NAPG: variants seen among roughly 807,000 people sequenced by gnomAD.
The protein encoded by NAPG is gamma-soluble NSF attachment protein.
In NAPG, 25 loss-of-function variants were observed where a neutral mutation model predicts 48.4. That is an observed-to-expected ratio of 0.52 (90% confidence interval 0.38 to 0.72). The LOEUF is 0.72. Ranked by LOEUF, NAPG falls within the 30% of genes least tolerant of loss-of-function variation. The pLI is 0.00. For missense variants in NAPG, 359 were observed against 372.5 expected, an observed-to-expected ratio of 0.96 and a Z score of 0.30; for synonymous variants, 139 against 127.2, an observed-to-expected ratio of 1.09 and a Z score of -0.62.
At position 10,542,774 on chromosome 18, in the gene NAPG, T is replaced by A. The variant is rs2032182505; in HGVS notation, c.506+2375T>A. On this transcript the variant is annotated intron_variant, in intron 8 of 11. Transcript: ENST00000322897. The surrounding 1 kb of genome is among the most constrained non-coding windows in gnomAD (Gnocchi z 4.5). ...GCAAAGAATCTATTTAATATATTAATCTCTTGCTTCTCCTTCAGTTTTGGA... is the reference window on the plus strand; with the variant it reads ...GCAAAGAATCTATTTAATATATTAAACTCTTGCTTCTCCTTCAGTTTTGGA... 6.6e-6 allele frequency among the ~76,000 whole-genome samples: 1 copy of A among 152,230 alleles called. No homozygotes were observed. Among genetic ancestry groups the A allele is most frequent in the Non-Finnish European group, 1.5e-5 (1 of 68,038 alleles).
intron 3 of NAPG, 151 bp from the exon 4 acceptor site, chr18:10,533,385 T>C (rs2031969885): frequency 3.5e-6 from 2 of 568,042 alleles, no homozygotes; most frequent in Non-Finnish European, 6.0e-6. Context: ...TTGACAGGTA[T>C]TGAATTACTT....
At chr18:10,526,340 C>G in intron 1 of NAPG, 182 bp downstream of exon 1, 1 of 603,026 alleles carries the variant, frequency 1.7e-6, no homozygotes, top group Non-Finnish European at 2.8e-6. Flanking sequence ...TCGGGGTCAG[C>G]TCTGCGGCGC....
chr18:10,531,066 C>T (rs893120164), intron 2 of NAPG, among the ~76,000 whole-genome samples: 4 of 152,070 alleles, frequency 2.6e-5, no homozygotes, highest in Non-Finnish European at 4.4e-5. Context: ...AGGGATGGGG[C>T]GGGGTTGGTG....
rs1051303395 is a variant in NAPG, at chr18:10,548,672, T to C, written c.665+294T>C. ...GAAAAAGGGGGAAAAAATTATCAGATTTATGTTACAGAAATCAAAATGAGG... is the reference window on the plus strand; with the variant it reads ...GAAAAAGGGGGAAAAAATTATCAGACTTATGTTACAGAAATCAAAATGAGG... On this transcript the variant is annotated intron_variant, in intron 10 of 11. Coordinates refer to ENST00000322897, the MANE Select transcript of NAPG (RefSeq NM_003826.3). This position sits in a 1 kb window ranked among gnomAD's most constrained non-coding sequence, Gnocchi z 4.4. Among the ~76,000 whole-genome samples, 5 of 152,062 alleles carry C rather than the reference T, an allele frequency of 3.3e-5. No homozygotes were observed. Among genetic ancestry groups the C allele is most frequent in the Non-Finnish European group, 7.4e-5 (5 of 68,010 alleles).
chr18:10,549,279 A>T (rs2032335066), intron 11 of NAPG, among the ~76,000 whole-genome samples, 183 bp downstream of exon 11: 1 of 152,318 alleles, frequency 6.6e-6, no homozygotes, highest in East Asian at 1.9e-4. Flanking sequence ...GATAAAATAG[A>T]TGTTAGTTGT....
At chr18:10,538,218 C>T (rs1430421678) in intron 5 of NAPG, among the ~76,000 whole-genome samples, 1 of 151,958 alleles carries the variant, frequency 6.6e-6, no homozygotes, top group Non-Finnish European at 1.5e-5. Flanking sequence ...CAGATGAACT[C>T]AGGGTGTAGA....
In NAPG at chr18:10,539,287, A is replaced by G. The variant is rs561762921; in HGVS notation, c.259-475A>G. ...TGCCCATCAGTGATAGACTGGATAA[A>G]GAAAATGTGGTACATATACACCATG... On this transcript the variant is annotated intron_variant, in intron 5 of 11. Transcript: ENST00000322897. The surrounding 1 kb of genome is among the most constrained non-coding windows in gnomAD (Gnocchi z 4.7). 1 of 156,710 alleles carries G rather than the reference A, an allele frequency of 6.4e-6. No individual in the cohort carries two copies. Among genetic ancestry groups the G allele is most frequent in the East Asian group, 1.9e-4 (1 of 5,338 alleles). The allele number at this position is 156,710 out of a possible 1,614,324, so 9.7% of individuals were successfully genotyped here. A position where few individuals can be genotyped will look rare whatever the true frequency, so the allele number is the denominator to read the frequency against.
At chr18:10,526,535 G>A (rs1021294045) in intron 1 of NAPG, 19 of 221,706 alleles carry the variant, frequency 8.6e-5, no homozygotes, top group Admixed American at 8.0e-4. Flanking sequence ...CTACCTGCTG[G>A]GTGCCGGTCG....
chr18:10,536,461 G>T (rs1413164095), intron 5 of NAPG, among the ~76,000 whole-genome samples: 2 of 152,122 alleles, frequency 1.3e-5, no homozygotes, highest in Non-Finnish European at 2.9e-5. Context: ...ATCAACCTTT[G>T]GTTCTGTCAC....
rs554519118 is a variant in NAPG, at chr18:10,534,347, T to C, written c.228-119T>C. 8.3e-5 allele frequency: 60 copies of C among 720,564 alleles called. No homozygotes were observed. Among genetic ancestry groups the C allele is most frequent in the Admixed American group, 4.2e-4 (19 of 45,092 alleles). 44.6% of individuals were successfully genotyped at this position (720,564 alleles called of 1,614,324 possible). ...GGTAATATAAGCCTGAAGTGATATG[T>C]TGTGCATGAGCCCATTGTAATTGAA... On this transcript the variant is annotated intron_variant, in intron 4 of 11. Coordinates refer to ENST00000322897, the MANE Select transcript of NAPG (RefSeq NM_003826.3). The surrounding 1 kb of genome is among the most constrained non-coding windows in gnomAD (Gnocchi z 5.0).
chr18:10,526,270 G>A, intron 1 of NAPG, 112 bp downstream of exon 1: 4 of 769,982 alleles, frequency 5.2e-6, no homozygotes, highest in Non-Finnish European at 8.4e-6. Flanking sequence ...GAGGGGCCTC[G>A]GCGCGCTGGT....
At chr18:10,526,246 G>GCC in intron 1 of NAPG, 88 bp downstream of exon 1, 3 of 490,176 alleles carry the variant, frequency 6.1e-6, no homozygotes, top group Non-Finnish European at 1.2e-5. Flanking sequence ...GGGCGGGAGG[G>GCC]AGGGCTCAGG....
In NAPG at chr18:10,548,280, A is replaced by T. The variant is rs1488085921; in HGVS notation, c.586-19A>T. ...TTAAACAGATGTAAATTTGACCATG[A>T]TCCTCTCTTTTGTTTTAGAAAACAA... On this transcript the variant is annotated intron_variant, in intron 9 of 11. Coordinates refer to ENST00000322897, the MANE Select transcript of NAPG (RefSeq NM_003826.3). The surrounding 1 kb of genome is among the most constrained non-coding windows in gnomAD (Gnocchi z 4.4). 1 of 1,582,656 alleles carries T rather than the reference A, an allele frequency of 6.3e-7. No homozygotes were observed. The highest frequency in any genetic ancestry group is 2.2e-5 in the East Asian group (1 of 44,718).
rs1457571313 is a variant in NAPG, at chr18:10,543,746, T to G, written c.507-2580T>G. On this transcript the variant is annotated intron_variant, in intron 8 of 11. Transcript: ENST00000322897. This position sits in a 1 kb window ranked among gnomAD's most constrained non-coding sequence, Gnocchi z 4.4. Reference sequence around the variant, plus strand: ...TTTTTTCAGCAAAACCAAATTCTTGTCATTTTGTTAGGAATATTAAGTATT... The same window carrying G: ...TTTTTTCAGCAAAACCAAATTCTTGGCATTTTGTTAGGAATATTAAGTATT... Among the ~76,000 whole-genome samples the G allele has an allele frequency of 1.3e-5, 2 of 152,240 alleles. No individual in the cohort carries two copies. Among genetic ancestry groups the G allele is most frequent in the African/African-American group, 4.8e-5 (2 of 41,462 alleles).
At position 10,550,116 on chromosome 18, in the gene NAPG, G is replaced by A. The variant is rs1274923081; in HGVS notation, c.835G>A (p.Gly279Arg). 1 of 1,575,480 alleles carries A rather than the reference G, an allele frequency of 6.3e-7. No homozygotes were observed. The change falls in exon 12 of 12, where the codon GGA becomes AGA. Residue 279 changes from glycine to arginine, a missense_variant. Gly to Arg is a moderately radical substitution (Grantham distance 125). Transcript: ENST00000322897. ...CCTGAGTTTGGTGGTTCCAGGAGGGGGAATCAAGAAGAAATCACCTGCAAC... is the reference window on the plus strand; with the variant it reads ...CCTGAGTTTGGTGGTTCCAGGAGGGAGAATCAAGAAGAAATCACCTGCAAC... ...LGLSLVVPGG[G>R]IKKKSPATPQ...
rs56023774 is a variant in NAPG at position 10,526,236 on chromosome 18, G to A, written c.56+78G>A. The A allele has an allele frequency of 8.4e-4, 739 of 877,894 alleles. 16 individuals carry two copies. In the African/African-American group the frequency reaches 0.011, roughly 13 times the overall value. 54.4% of individuals were successfully genotyped at this position (877,894 alleles called of 1,614,324 possible). A position where few individuals can be genotyped will look rare whatever the true frequency, so the allele number is the denominator to read the frequency against. ...CTGGCGCGGCCTTAGCACCCGGGGG[G>A]GGCGGGAGGGAGGGCTCAGGGCTGA... On this transcript the variant is annotated intron_variant, in intron 1 of 11. Transcript: ENST00000322897.
chr18:10,546,404 G>A lies in NAPG; in HGVS notation c.585G>A (p.Lys195=). Reference sequence around the variant, plus strand: ...TTGAGAATTATCCAACTTGTTATAAGGTATTCTTTGAAAGTGTTTGTTTTT... The same window carrying A: ...TTGAGAATTATCCAACTTGTTATAAAGTATTCTTTGAAAGTGTTTGTTTTT... The part of the protein sequence containing the change: ...KEIENYPTCY[K]KTIAQVLVHL... Residue 195 remains lysine, a splice_region_variant and synonymous_variant, in exon 9 of 12, where the codon AAG becomes AAA. Transcript: ENST00000322897. The surrounding 1 kb of genome is among the most constrained non-coding windows in gnomAD (Gnocchi z 4.0). 1 of 1,508,092 alleles carries A rather than the reference G, an allele frequency of 6.6e-7. No homozygotes were observed. Among genetic ancestry groups the A allele is most frequent in the Non-Finnish European group, 9.0e-7 (1 of 1,106,984 alleles). 93.4% of individuals were successfully genotyped at this position (1,508,092 alleles called of 1,614,324 possible). A position where few individuals can be genotyped will look rare whatever the true frequency, so the allele number is the denominator to read the frequency against.
rs763097193 is a variant in NAPG at position 10,546,381 on chromosome 18, G to A, written c.562G>A (p.Glu188Lys). 6.4e-7 allele frequency: 1 copy of A among 1,566,854 alleles called. No homozygotes were observed. The highest frequency in any genetic ancestry group is 8.7e-7 in the Non-Finnish European group (1 of 1,150,476). The change falls in exon 9 of 12, where the codon GAG becomes AAG. Residue 188 changes from glutamate (E) to lysine (K), a missense_variant. By Grantham distance (56) the Glu-to-Lys change is moderately conservative (BLOSUM62 1). Coordinates refer to ENST00000322897, the MANE Select transcript of NAPG (RefSeq NM_003826.3). This position sits in a 1 kb window ranked among gnomAD's most constrained non-coding sequence, Gnocchi z 4.0. ...AGAAAAAAATATTTATAAGGAAATTGAGAATTATCCAACTTGTTATAAGGT... is the reference window on the plus strand; with the variant it reads ...AGAAAAAAATATTTATAAGGAAATTAAGAATTATCCAACTTGTTATAAGGT... ...QKEKNIYKEI[E>K]NYPTCYKKTI...
intron 1 of NAPG, 145 bp downstream of exon 1, chr18:10,526,303 G>T: frequency 7.7e-6 from 6 of 776,006 alleles, no homozygotes. Context: ...GCCGGGGCTC[G>T]GTGTCCTCTG....
Sources: allele counts gnomAD v4.1 joint callset (sites outside exome capture counted in the v4.1 genomes callset), GRCh38; gene constraint gnomAD v4.1.1; non-coding constraint Gnocchi (gnomAD v3.1); transcripts MANE v1.5; gene names NCBI Gene and HGNC (gene_info 2026-07-23, HGNC 2026-07-21).